The following PRKG1 variants were observed in gnomAD, a reference collection of about 807,000 sequenced individuals.
PRKG1 encodes protein kinase cGMP-dependent 1, also known as cGMP-dependent protein kinase 1.
In PRKG1, 35 loss-of-function variants were observed where a neutral mutation model predicts 88.1. The observed-to-expected ratio is 0.40, with a 90% CI of 0.30 to 0.53. PRKG1 has a LOEUF of 0.53. Among genes scored for constraint, PRKG1 ranks in the 20% least tolerant of loss-of-function variants. PRKG1 has a pLI of 0.59. For synonymous variants in PRKG1, 303 were observed against 292.5 expected (o/e 1.04, Z -0.37); for missense variants, 540 against 839.8 (o/e 0.64, Z 4.41).
chr10:51,235,462 G>T (rs1838961698), intron 2 of PRKG1, among the ~76,000 whole-genome samples: 2 of 152,114 alleles, frequency 1.3e-5, no homozygotes, highest in Admixed American at 1.3e-4. Flanking sequence ...TTGCCATTCT[G>T]CATATCATCT....
chr10:52,025,624 G>A (rs9665723), intron 5 of PRKG1, among the ~76,000 whole-genome samples: 151,249 of 151,972 alleles, frequency 1, 75,267 homozygotes, highest in Middle Eastern at 1. Flanking sequence ...TTTGTCAAAG[G>A]TCAGATGGTT....
At chr10:51,797,837 C>T (rs949240582) in intron 3 of PRKG1, among the ~76,000 whole-genome samples, 2 of 151,776 alleles carry the variant, frequency 1.3e-5, no homozygotes, top group Non-Finnish European at 2.9e-5. Flanking sequence ...AACTACTATT[C>T]TACTTTTTAT....
intron 6 of PRKG1, among the ~76,000 whole-genome samples, chr10:52,057,392 C>T (rs914563470): frequency 3.9e-5 from 6 of 152,182 alleles, no homozygotes; most frequent in African/African-American, 1.2e-4. Flanking sequence ...TAAGTAGAAG[C>T]TCAGTTAGTT....
At chr10:52,119,030 A>G (rs977485926) in intron 7 of PRKG1, among the ~76,000 whole-genome samples, 3 of 152,130 alleles carry the variant, frequency 2.0e-5, no homozygotes, top group Non-Finnish European at 4.4e-5. Context: ...ATTTAAAGTG[A>G]TCGTGCTTGA....
intron 5 of PRKG1, among the ~76,000 whole-genome samples, chr10:51,967,936 AC>A (rs1843613240): frequency 6.6e-6 from 1 of 152,076 alleles, no homozygotes; most frequent in Non-Finnish European, 1.5e-5. Flanking sequence ...TCAGAATCCC[AC>A]CAGCCATTCT....
chr10:51,931,798 A>C (rs904115864), intron 5 of PRKG1, among the ~76,000 whole-genome samples: 2 of 152,228 alleles, frequency 1.3e-5, no homozygotes, highest in African/African-American at 4.8e-5. Flanking sequence ...AGGATGTAGT[A>C]AAAATAACAA....
chr10:51,333,579 C>T (rs1357480339), intron 2 of PRKG1, among the ~76,000 whole-genome samples: 1 of 152,188 alleles, frequency 6.6e-6, no homozygotes, highest in Non-Finnish European at 1.5e-5. Flanking sequence ...TAGCGAGGTG[C>T]TCACCCATCA....
intron 3 of PRKG1, among the ~76,000 whole-genome samples, chr10:51,793,670 A>G (rs1838931096): frequency 6.6e-6 from 1 of 152,170 alleles, no homozygotes; most frequent in Non-Finnish European, 1.5e-5. Context: ...AAGAATTCCA[A>G]TATGCCTAGC....
chr10:51,942,665 A>C lies in PRKG1; in HGVS notation c.762+35095A>C, dbSNP rs545083507. Among the ~76,000 whole-genome samples, 150 of 148,736 alleles carry C rather than the reference A, an allele frequency of 1.0e-3. 2 individuals are homozygous for C. Among genetic ancestry groups the C allele is most frequent in the African/African-American group, 3.2e-3 (128 of 39,522 alleles). ...GGAAGGGATCCAGTTTCAGCTTTCT[A>C]CATATGGCTAGCCAGTTTTCCCAGC... is the stretch of plus-strand genomic sequence containing the variant. On this transcript the variant is annotated intron_variant, in intron 5 of 17. Transcript: ENST00000373980.
At chr10:51,114,483 A>C (rs1276003356) in intron 1 of PRKG1, among the ~76,000 whole-genome samples, 3 of 151,362 alleles carry the variant, frequency 2.0e-5, no homozygotes. Context: ...TTAGAGGACA[A>C]AGTGTGAAGG....
intron 3 of PRKG1, among the ~76,000 whole-genome samples, chr10:51,513,153 C>T (rs201818975): frequency 6.6e-6 from 1 of 151,048 alleles, no homozygotes; most frequent in East Asian, 1.9e-4. Context: ...GGAGGAAGAT[C>T]TACCAAGCAA....
At chr10:51,393,571 C>T (rs1201129511) in intron 2 of PRKG1, among the ~76,000 whole-genome samples, 1 of 152,116 alleles carries the variant, frequency 6.6e-6, no homozygotes, top group Non-Finnish European at 1.5e-5. Flanking sequence ...AAGATCAGTG[C>T]CTTATCTACA....
chr10:52,175,644 C>T (rs1350269964), intron 9 of PRKG1, among the ~76,000 whole-genome samples: 1 of 152,062 alleles, frequency 6.6e-6, no homozygotes, highest in African/African-American at 2.4e-5. Context: ...TCTCTGTATC[C>T]TCACAACCAT....
At position 51,523,373 on chromosome 10, in the gene PRKG1, T is replaced by C. The variant is rs137951047; in HGVS notation, c.592+55537T>C. On this transcript the variant is annotated intron_variant, in intron 3 of 17. Coordinates refer to ENST00000373980, the MANE Select transcript of PRKG1 (RefSeq NM_006258.4). Reference sequence around the variant, plus strand: ...TCAGGAAATGTATTTTCTATTTAAGTTGGTTAGTCCATACTAAGCAGTCCT... The same window carrying C: ...TCAGGAAATGTATTTTCTATTTAAGCTGGTTAGTCCATACTAAGCAGTCCT... Among the ~76,000 whole-genome samples the C allele has an allele frequency of 7.2e-5, 11 of 152,330 alleles. No homozygotes were observed. In the East Asian group the frequency reaches 2.1e-3, roughly 29 times the overall value.
intron 1 of PRKG1, among the ~76,000 whole-genome samples, chr10:51,010,217 C>A (rs1005336543): frequency 6.6e-6 from 1 of 152,220 alleles, no homozygotes; most frequent in Non-Finnish European, 1.5e-5. Flanking sequence ...TTCTACTACC[C>A]AGCGTAAATC....
intron 1 of PRKG1, among the ~76,000 whole-genome samples, chr10:51,098,908 G>A (rs1010256823): frequency 6.6e-6 from 1 of 152,128 alleles, no homozygotes; most frequent in Non-Finnish European, 1.5e-5. Flanking sequence ...AAAACTGGAA[G>A]CATTTAGGAG....
intron 2 of PRKG1, among the ~76,000 whole-genome samples, chr10:51,226,751 G>T (rs959159333): frequency 6.6e-6 from 1 of 152,168 alleles, no homozygotes; most frequent in Non-Finnish European, 1.5e-5. Context: ...TCAAATTATG[G>T]ATGTGGAGGA....
intron 4 of PRKG1, among the ~76,000 whole-genome samples, chr10:51,823,197 G>A (rs1373118271): frequency 6.6e-6 from 1 of 151,984 alleles, no homozygotes; most frequent in Non-Finnish European, 1.5e-5. Flanking sequence ...GGACCAAAAA[G>A]CTTGAGAACC....
At chr10:51,903,554 A>C (rs757953812) in intron 4 of PRKG1, among the ~76,000 whole-genome samples, 6 of 152,180 alleles carry the variant, frequency 3.9e-5, no homozygotes, top group Non-Finnish European at 7.4e-5. Context: ...GAGTAGATAA[A>C]CAAAAAATGA....
Sources: allele counts gnomAD v4.1 joint callset (sites outside exome capture counted in the v4.1 genomes callset), GRCh38; gene constraint gnomAD v4.1.1; transcripts MANE v1.5; gene names NCBI Gene and HGNC (gene_info 2026-07-23, HGNC 2026-07-21).